Variants in RPAP3 observed in about 807,000 individuals in gnomAD.
The protein encoded by RPAP3 is RNA polymerase II associated protein 3.
Under a neutral mutation model 88.8 loss-of-function variants are expected in RPAP3, and 58 were observed. That is an observed-to-expected ratio of 0.65 (90% CI 0.53 to 0.81). The LOEUF is 0.81. Ranked by LOEUF, RPAP3 falls within the 40% of genes least tolerant of loss-of-function variation. The pLI, the probability that RPAP3 is intolerant of heterozygous loss-of-function variation, is 0.00. For synonymous variants in RPAP3, 255 were observed against 259.9 expected (o/e 0.98, Z 0.18); for missense variants, 751 against 764.3 (o/e 0.98, Z 0.20).
chr12:47,702,304 G>A (rs921689248), intron 2 of RPAP3, among the ~76,000 whole-genome samples: 3 of 152,148 alleles, frequency 2.0e-5, no homozygotes, highest in Admixed American at 6.5e-5. Context: ...CCAGCACTTC[G>A]GGAGGCCGAG....
chr12:47,676,962 T>A (rs1199560162), intron 12 of RPAP3, among the ~76,000 whole-genome samples: 1 of 152,112 alleles, frequency 6.6e-6, no homozygotes. Flanking sequence ...TAGACCAATA[T>A]CCCTGATGAA....
At chr12:47,704,717 A>T (rs1289958337) in intron 1 of RPAP3, among the ~76,000 whole-genome samples, 1 of 151,366 alleles carries the variant, frequency 6.6e-6, no homozygotes, top group Non-Finnish European at 1.5e-5. Flanking sequence ...TAAAGGGTGG[A>T]AGGCCAACCG....
At chr12:47,674,871 C>A (rs796562191) in intron 12 of RPAP3, among the ~76,000 whole-genome samples, 6 of 152,296 alleles carry the variant, frequency 3.9e-5, no homozygotes, top group African/African-American at 1.4e-4. Context: ...GGCAGGCCAA[C>A]ATTCAAATTC....
intron 12 of RPAP3, among the ~76,000 whole-genome samples, chr12:47,676,376 A>T (rs535364741): frequency 6.6e-6 from 1 of 152,336 alleles, no homozygotes; most frequent in South Asian, 2.1e-4. Flanking sequence ...ACCTAGCAGA[A>T]GGCAAGAAGT....
chr12:47,662,692 G>A lies in RPAP3; in HGVS notation c.*813C>T, dbSNP rs916552089. The A allele has an allele frequency of 6.6e-5, 10 of 152,180 alleles. No individual in the cohort carries two copies. The highest frequency in any genetic ancestry group is 1.5e-4 in the Non-Finnish European group (10 of 68,036). 9.4% of individuals were successfully genotyped at this position (152,180 alleles called of 1,614,324 possible). On this transcript the variant is annotated 3_prime_UTR_variant, in exon 17 of 17. Coordinates refer to ENST00000005386, the MANE Select transcript of RPAP3 (RefSeq NM_024604.3). ...ATTAAATTTTATAAGTATCAGTTGA[G>A]CACCTAACTATGTGCAAACGTCTGT... is the stretch of plus-strand genomic sequence containing the variant.
chr12:47,686,870 G>A lies in RPAP3; in HGVS notation c.902C>T (p.Ala301Val). Residue 301 changes from alanine (A) to valine (V), a missense_variant, in exon 9 of 17, where the codon GCA becomes GTA. By Grantham distance (64) the Ala-to-Val change is moderately conservative. Transcript: ENST00000005386. The stretch of plus-strand genomic sequence containing the variant: ...TATCCCTCGAGTATAGCATTCAATT[G>A]CTCTTTCATATTTCCCCTCTTTGAA... ...GFFKEGKYER[A>V]IECYTRGIAA... 6.2e-7 allele frequency: 1 copy of A among 1,600,900 alleles called. No individual in the cohort carries two copies. Among genetic ancestry groups the A allele is most frequent in the Non-Finnish European group, 8.5e-7 (1 of 1,171,340 alleles).
Position 47,663,451 on chromosome 12 carries a change from T to G in RPAP3, c.*54A>C. The G allele has an allele frequency of 1.8e-6, 2 of 1,141,874 alleles. No homozygotes were observed. The highest frequency in any genetic ancestry group is 2.1e-5 in the Admixed American group (1 of 48,074). The allele number at this position is 1,141,874 out of a possible 1,614,324, so 70.7% of individuals were successfully genotyped here. Reference sequence around the variant, plus strand: ...TTCTTAAAAAGCAAAACACTTTCAGTAGAAAAAATTTACATATGAAAGTCA... The same window carrying G: ...TTCTTAAAAAGCAAAACACTTTCAGGAGAAAAAATTTACATATGAAAGTCA... On this transcript the variant is annotated 3_prime_UTR_variant, in exon 17 of 17. Coordinates refer to ENST00000005386, the MANE Select transcript of RPAP3 (RefSeq NM_024604.3).
At chr12:47,703,820 AAAAT>A (rs1421437550) in intron 1 of RPAP3, among the ~76,000 whole-genome samples, 1 of 152,226 alleles carries the variant, frequency 6.6e-6, no homozygotes, top group African/African-American at 2.4e-5. Context: ...TCAAGGTAGT[AAAAT>A]AAAAAGAACT....
intron 9 of RPAP3, among the ~76,000 whole-genome samples, chr12:47,684,384 C>T (rs779166788): frequency 4.6e-5 from 7 of 152,142 alleles, no homozygotes; most frequent in Admixed American, 1.3e-4. Flanking sequence ...CTAATTAGCT[C>T]TAATTTGACA....
intron 5 of RPAP3, among the ~76,000 whole-genome samples, chr12:47,694,069 G>C (rs1939477177): frequency 6.6e-6 from 1 of 152,204 alleles, no homozygotes; most frequent in African/African-American, 2.4e-5. Flanking sequence ...TAACGAATTT[G>C]GGAAGATGAT....
At chr12:47,665,547 T>C (rs1264882718) in intron 16 of RPAP3, among the ~76,000 whole-genome samples, 1 of 151,098 alleles carries the variant, frequency 6.6e-6, no homozygotes, top group African/African-American at 2.4e-5. Context: ...TCAAGGAACA[T>C]TTCTGGTTAA....
At chr12:47,687,755 T>A (rs891705080) in intron 8 of RPAP3, 121 bp downstream of exon 8, 1 of 1,194,600 alleles carries the variant, frequency 8.4e-7, no homozygotes, top group Non-Finnish European at 1.1e-6. Flanking sequence ...TGCATTTAAT[T>A]CCCAATTCCT....
intron 13 of RPAP3, among the ~76,000 whole-genome samples, chr12:47,669,362 T>C (rs528220609): frequency 1.3e-5 from 2 of 152,300 alleles, no homozygotes; most frequent in South Asian, 2.1e-4. Flanking sequence ...ACCTTTTGAG[T>C]ATACCATTTC....
chr12:47,678,267 T>G (rs1309581690), intron 12 of RPAP3, among the ~76,000 whole-genome samples: 2 of 152,286 alleles, frequency 1.3e-5, no homozygotes, highest in East Asian at 1.9e-4. Flanking sequence ...ATTAAAGACT[T>G]AAATGTTAGA....
intron 13 of RPAP3, among the ~76,000 whole-genome samples, chr12:47,669,607 T>C (rs1053826474): frequency 6.6e-6 from 1 of 152,322 alleles, no homozygotes; most frequent in South Asian, 2.1e-4. Flanking sequence ...TAAAAATATA[T>C]GAGTAAGGTT....
chr12:47,664,820 T>C (rs1938834279), intron 16 of RPAP3: 1 of 152,232 alleles, frequency 6.6e-6, no homozygotes, highest in South Asian at 2.1e-4. Context: ...TAGACAAAGT[T>C]CCTGCTGTCA....
intron 6 of RPAP3, among the ~76,000 whole-genome samples, chr12:47,690,127 T>C (rs1345369241): frequency 6.6e-6 from 1 of 151,436 alleles, no homozygotes; most frequent in Non-Finnish European, 1.5e-5. Context: ...TGATTTGTAA[T>C]ACACAAACCT....
chr12:47,706,000 G>T lies in RPAP3; in HGVS notation c.-55C>A, dbSNP rs569674539. 4 of 152,960 alleles carry T rather than the reference G, an allele frequency of 2.6e-5. No individual in the cohort carries two copies. The highest frequency in any genetic ancestry group is 1.3e-4 in the Admixed American group (2 of 15,318). 9.5% of individuals were successfully genotyped at this position (152,960 alleles called of 1,614,324 possible). On this transcript the variant is annotated 5_prime_UTR_variant, in exon 1 of 17. Transcript: ENST00000005386. ...ACTGCCACCCCGTCAGCCCCGCAGC[G>T]ACTCACGCCGAGCCCGGCAGTGACT...
At chr12:47,688,529 T>TA (rs1339125199) in intron 7 of RPAP3, among the ~76,000 whole-genome samples, 2 of 152,164 alleles carry the variant, frequency 1.3e-5, no homozygotes, top group Non-Finnish European at 2.9e-5. Context: ...TAGCATCCAT[T>TA]AAAAGTAGTT....
Sources: allele counts gnomAD v4.1 joint callset (sites outside exome capture counted in the v4.1 genomes callset), GRCh38; gene constraint gnomAD v4.1.1; transcripts MANE v1.5; gene names NCBI Gene and HGNC (gene_info 2026-07-23, HGNC 2026-07-21).